RANBP3L: variants seen among roughly 807,000 people sequenced by gnomAD.
The protein encoded by RANBP3L is RAN binding protein 3 like, also known as ran-binding protein 3-like.
In RANBP3L, 56 loss-of-function variants were observed where a neutral mutation model predicts 67.2. The observed-to-expected ratio is 0.83, with a 90% confidence interval of 0.67 to 1.04. The LOEUF is 1.04. RANBP3L is among the 50% of genes least tolerant of loss of function. The probability of loss-of-function intolerance (pLI) is 0.00; values close to 1 mark genes in which losing one functional copy is unlikely to be tolerated. For synonymous variants in RANBP3L, 164 were observed against 181.4 expected (o/e 0.90, Z 0.77); for missense variants, 496 against 535.5 (o/e 0.93, Z 0.73).
intron 2 of RANBP3L, 150 bp downstream of exon 2, chr5:36,271,103 C>A: frequency 3.3e-6 from 2 of 607,564 alleles, no homozygotes. Flanking sequence ...GTTTGTAAAT[C>A]CTGACTATAT....
At chr5:36,267,507 C>CAA (rs1326176266) in intron 4 of RANBP3L, among the ~76,000 whole-genome samples, 1 of 149,618 alleles carries the variant, frequency 6.7e-6, no homozygotes, top group Admixed American at 6.6e-5. Flanking sequence ...GACTCCGTCT[C>CAA]AAAAAAAAAA....
At chr5:36,253,293 T>G in intron 12 of RANBP3L, among the ~76,000 whole-genome samples, 1 of 152,118 alleles carries the variant, frequency 6.6e-6, no homozygotes, top group East Asian at 1.9e-4. Context: ...GCTTGCAGGA[T>G]AAGCATTAGG....
rs1001868068 is a variant in RANBP3L, at chr5:36,264,865, G to C, written c.480+94C>G. ...TAGCCCAACAACAAAACAAAGCTCA[G>C]ACAACTCCTATTTCTGGATATGGGG... On this transcript the variant is annotated intron_variant, in intron 6 of 13. Coordinates refer to ENST00000296604, the MANE Select transcript of RANBP3L (RefSeq NM_145000.5). 4.5e-6 allele frequency: 5 copies of C among 1,112,196 alleles called. No homozygotes were observed. The African/African-American group carries it at 7.8e-5, about 17-fold the overall frequency. The allele number at this position is 1,112,196 out of a possible 1,614,324, so 68.9% of individuals were successfully genotyped here. A position where few individuals can be genotyped will look rare whatever the true frequency, so the allele number is the denominator to read the frequency against.
At chr5:36,265,758 A>G (rs936949967) in intron 4 of RANBP3L, among the ~76,000 whole-genome samples, 2 of 152,130 alleles carry the variant, frequency 1.3e-5, no homozygotes, top group Non-Finnish European at 2.9e-5. Context: ...GGATCACCTG[A>G]GGTCAGGAGT....
intron 13 of RANBP3L, 76 bp downstream of exon 13, chr5:36,251,237 A>C: frequency 8.0e-7 from 1 of 1,250,282 alleles, no homozygotes; most frequent in Non-Finnish European, 1.1e-6. Context: ...TTGTTAAAAA[A>C]TCTACCTAAT....
chr5:36,298,259 C>CACTGCA (rs2112178899), intron 1 of RANBP3L, among the ~76,000 whole-genome samples: 1 of 150,196 alleles, frequency 6.7e-6, no homozygotes, highest in Admixed American at 6.6e-5. Flanking sequence ...GAGATCATGC[C>CACTGCA]ACTGCACTCC....
At position 36,249,647 on chromosome 5, in the gene RANBP3L, G is replaced by T; in HGVS notation, c.*7C>A. On this transcript the variant is annotated 3_prime_UTR_variant, in exon 14 of 14. Transcript: ENST00000296604. ...TTTGTAGATGTCATGTTTATAGTAGGTAGTATTCATGAACAGGCAACCGAC... is the reference window on the plus strand; with the variant it reads ...TTTGTAGATGTCATGTTTATAGTAGTTAGTATTCATGAACAGGCAACCGAC... The T allele has an allele frequency of 6.6e-7, 1 of 1,509,282 alleles. No individual in the cohort carries two copies. The highest frequency in any genetic ancestry group is 9.1e-7 in the Non-Finnish European group (1 of 1,100,598). 93.5% of individuals were successfully genotyped at this position (1,509,282 alleles called of 1,614,324 possible).
chr5:36,253,805 G>A lies in RANBP3L; in HGVS notation c.1025-16C>T, dbSNP rs571681787. ...TTGCGCATAACTAAAATAGGAAGGT[G>A]ACTACATCAGGCCACAGAACAGTTG... On this transcript the variant is annotated splice_polypyrimidine_tract_variant and intron_variant, in intron 11 of 13. Transcript: ENST00000296604. 1 of 1,610,810 alleles carries A rather than the reference G, an allele frequency of 6.2e-7. No individual in the cohort carries two copies. Among genetic ancestry groups the A allele is most frequent in the East Asian group, 2.2e-5 (1 of 44,786 alleles).
At chr5:36,277,099 T>G (rs1276910045) in intron 1 of RANBP3L, among the ~76,000 whole-genome samples, 1 of 152,208 alleles carries the variant, frequency 6.6e-6, no homozygotes, top group Non-Finnish European at 1.5e-5. Flanking sequence ...ATGGGTCAGC[T>G]CTAATTGCTA....
intron 10 of RANBP3L, chr5:36,256,704 A>G: frequency 4.4e-6 from 2 of 456,714 alleles, no homozygotes; most frequent in East Asian, 6.6e-5. Context: ...TTTCTAAGGG[A>G]CTAATGTGAA....
chr5:36,271,595 A>C (rs919216832), intron 1 of RANBP3L, among the ~76,000 whole-genome samples: 3 of 152,208 alleles, frequency 2.0e-5, no homozygotes, highest in African/African-American at 7.2e-5. Context: ...AAATATAATT[A>C]TGTACCTTTA....
chr5:36,262,618 C>T (rs1489723932), intron 6 of RANBP3L, among the ~76,000 whole-genome samples: 1 of 152,070 alleles, frequency 6.6e-6, no homozygotes, highest in Admixed American at 6.6e-5. Flanking sequence ...GAACCCTATA[C>T]ATTATCTGAT....
intron 8 of RANBP3L, 110 bp from the exon 9 acceptor site, chr5:36,257,666 C>T (rs1436969622): frequency 1.5e-5 from 7 of 473,636 alleles, no homozygotes; most frequent in African/African-American, 8.2e-5. Context: ...AGCAAGCAAA[C>T]CTAGCTGGTA....
Position 36,251,317 on chromosome 5 carries a change from T to TC in RANBP3L, c.1349dup (p.Ser451IlefsTer5). 1 of 1,610,952 alleles carries TC rather than the reference T, an allele frequency of 6.2e-7. No individual in the cohort carries two copies. Among genetic ancestry groups the TC allele is most frequent in the Non-Finnish European group, 8.5e-7 (1 of 1,178,174 alleles). The stretch of plus-strand genomic sequence containing the variant: ...AACAAAACAAAAGCTATTTACCTGA[T>TC]CCATTTTTAGTGACTTGGATGAAAT... On this transcript the variant is annotated frameshift_variant, in exon 13 of 14. Coordinates refer to ENST00000296604, the MANE Select transcript of RANBP3L (RefSeq NM_145000.5). LOFTEE classifies it high-confidence loss of function.
At chr5:36,260,199 A>C (rs1259945161) in intron 8 of RANBP3L, among the ~76,000 whole-genome samples, 2 of 127,624 alleles carry the variant, frequency 1.6e-5, no homozygotes, top group South Asian at 2.1e-4. Flanking sequence ...TAAAAATACA[A>C]AAAAAAAAAA....
intron 1 of RANBP3L, among the ~76,000 whole-genome samples, chr5:36,282,746 G>A (rs867901538): frequency 3.3e-5 from 5 of 152,092 alleles, no homozygotes; most frequent in South Asian, 2.1e-4. Flanking sequence ...TCCAAAGCCC[G>A]ACTAGCCCAG....
intron 11 of RANBP3L, 77 bp from the exon 12 acceptor site, chr5:36,253,866 A>T: frequency 7.0e-7 from 1 of 1,421,094 alleles, no homozygotes; most frequent in Non-Finnish European, 9.6e-7. Flanking sequence ...AAGCAAAATA[A>T]ATCTTGTAGT....
intron 1 of RANBP3L, among the ~76,000 whole-genome samples, chr5:36,292,560 C>A (rs1751871720): frequency 6.6e-6 from 1 of 152,156 alleles, no homozygotes; most frequent in African/African-American, 2.4e-5. Context: ...TTTAATCCAT[C>A]TTGAATTGAT....
chr5:36,276,668 A>G (rs1042756084), intron 1 of RANBP3L, among the ~76,000 whole-genome samples: 3 of 152,090 alleles, frequency 2.0e-5, no homozygotes, highest in Admixed American at 6.5e-5. Flanking sequence ...TTTTATTTCC[A>G]TATCTTTAAT....
Sources: gnomAD v4.1 joint callset for allele counts (sites outside exome capture counted in the v4.1 genomes callset) on GRCh38, gnomAD v4.1.1 for gene constraint, MANE v1.5 for transcripts, NCBI Gene and HGNC (gene_info 2026-07-23, HGNC 2026-07-21) for gene names.